Variants in PTPRZ1 observed in about 807,000 individuals in gnomAD.
The protein encoded by PTPRZ1 is receptor-type tyrosine-protein phosphatase zeta.
PTPRZ1 carries 82 observed loss-of-function variants against 214.1 expected under a neutral mutation model. That is an observed-to-expected ratio of 0.38 (90% CI 0.32 to 0.46). The LOEUF is 0.46. Ranked by LOEUF, PTPRZ1 falls within the 20% of genes least tolerant of loss-of-function variation. The pLI, the probability that PTPRZ1 is intolerant of heterozygous loss-of-function variation, is 1.00. For missense variants in PTPRZ1, 2,603 were observed against 2,748.7 expected (o/e 0.95, Z 1.19); for synonymous variants, 945 against 987.9 (o/e 0.96, Z 0.81).
intron 27 of PTPRZ1, among the ~76,000 whole-genome samples, chr7:122,057,706 A>C (rs1792404900): frequency 6.8e-6 from 1 of 147,562 alleles, no homozygotes; most frequent in Non-Finnish European, 1.5e-5. Context: ...ATCTATATGA[A>C]TGTATTGATC....
At chr7:122,043,516 T>C (rs1198623487) in intron 22 of PTPRZ1, among the ~76,000 whole-genome samples, 1 of 152,182 alleles carries the variant, frequency 6.6e-6, no homozygotes, top group African/African-American at 2.4e-5. Context: ...TCTTCACTGT[T>C]TCTAAATAAA....
chr7:122,013,494 A>C lies in PTPRZ1; in HGVS notation c.4448A>C (p.Glu1483Ala), dbSNP rs1330250974. ...ISYSLSENSE[E>A]DNRVTSVSSD... The stretch of plus-strand genomic sequence containing the variant: ...TACTCACTATCTGAGAATTCTGAAG[A>C]AGATAATAGAGTCACAAGTGTATCC... Residue 1483 changes from glutamate to alanine, a missense_variant, in exon 12 of 30, where the codon GAA (glutamate) becomes GCA (alanine). By Grantham distance (107) the Glu-to-Ala change is moderately radical. Coordinates refer to ENST00000393386, the MANE Select transcript of PTPRZ1 (RefSeq NM_002851.3). 6.2e-7 allele frequency: 1 copy of C among 1,614,034 alleles called. No individual in the cohort carries two copies. The highest frequency in any genetic ancestry group is 1.7e-5 in the Admixed American group (1 of 60,002).
intron 14 of PTPRZ1, among the ~76,000 whole-genome samples, chr7:122,030,428 A>G (rs1216803680): frequency 1.3e-5 from 2 of 152,080 alleles, no homozygotes; most frequent in Non-Finnish European, 2.9e-5. Flanking sequence ...TACATGTGAC[A>G]AATCATTTCT....
intron 1 of PTPRZ1, among the ~76,000 whole-genome samples, chr7:121,903,035 T>A (rs1795015264): frequency 6.6e-6 from 1 of 152,286 alleles, no homozygotes; most frequent in East Asian, 1.9e-4. Context: ...TCTATATATT[T>A]GTTTAATATG....
intron 9 of PTPRZ1, 51 bp downstream of exon 9, chr7:121,996,617 C>G (rs1052163006): frequency 7.4e-7 from 1 of 1,359,100 alleles, no homozygotes. Context: ...AATTTAATTT[C>G]CAAGGTAAGA....
chr7:122,004,155 G>A (rs1386932754), intron 10 of PTPRZ1, among the ~76,000 whole-genome samples: 2 of 152,134 alleles, frequency 1.3e-5, no homozygotes, highest in African/African-American at 4.8e-5. Context: ...TTAAGGAAGA[G>A]GTTGCTAAAT....
intron 2 of PTPRZ1, among the ~76,000 whole-genome samples, chr7:121,964,402 G>T: frequency 6.6e-6 from 1 of 152,082 alleles, no homozygotes. Flanking sequence ...CAAGCGAAGG[G>T]GGAAGCCCCT....
chr7:121,905,623 C>T (rs912598022), intron 1 of PTPRZ1, among the ~76,000 whole-genome samples: 2 of 120,160 alleles, frequency 1.7e-5, no homozygotes, highest in African/African-American at 6.1e-5. Flanking sequence ...GATTTCTGCA[C>T]CCGGCCGAAT....
At chr7:121,925,100 G>T (rs528241340) in intron 1 of PTPRZ1, among the ~76,000 whole-genome samples, 1 of 152,212 alleles carries the variant, frequency 6.6e-6, no homozygotes, top group African/African-American at 2.4e-5. Flanking sequence ...CAGGGACCCC[G>T]CATTATGGTT....
chr7:122,010,345 G>A lies in PTPRZ1; in HGVS notation c.1299G>A (p.Glu433=), dbSNP rs1798607701. 1.2e-6 allele frequency: 2 copies of A among 1,603,560 alleles called. No individual in the cohort carries two copies. The highest frequency in any genetic ancestry group is 1.1e-5 in the South Asian group (1 of 88,770). The stretch of plus-strand genomic sequence containing the variant: ...TTTGCTTTTCAAAGGAGGAGGAAGA[G>A]GGAAAAGACATTGAAGAAGGCGCTA... The part of the protein sequence containing the change: ...GTEEIIKEEE[E]GKDIEEGAIV... The change falls in exon 12 of 30, where the codon GAG becomes GAA. Residue 433 remains glutamate, a synonymous_variant. Transcript: ENST00000393386.
chr7:122,040,781 TG>T, intron 20 of PTPRZ1, 34 bp from the exon 21 acceptor site: 1 of 1,307,416 alleles, frequency 7.6e-7, no homozygotes, highest in Non-Finnish European at 1.0e-6. Flanking sequence ...TGTGTGTGTG[TG>T]TTTGACTGTT....
At position 122,044,897 on chromosome 7, in the gene PTPRZ1, G is replaced by GA. The variant is rs113395156; in HGVS notation, c.6084+340dup. 7.7e-3 allele frequency among the ~76,000 whole-genome samples: 1,114 copies of GA among 144,852 alleles called. 15 individuals carry two copies. Among genetic ancestry groups the GA allele is most frequent in the African/African-American group, 0.024 (961 of 39,706 alleles). On this transcript the variant is annotated intron_variant, in intron 23 of 29. Coordinates refer to ENST00000393386, the MANE Select transcript of PTPRZ1 (RefSeq NM_002851.3). ...ACTATATAAGTGCTCTTTTTACTTT[G>GA]AAAAAAAAAAACAGACCACTTAAAC...
rs779343331 is a variant in PTPRZ1 at position 122,044,372 on chromosome 7, C to T, written c.5938-50C>T. The T allele has an allele frequency of 1.1e-5, 17 of 1,604,152 alleles. No homozygotes were observed. In the East Asian group the frequency reaches 3.1e-4, roughly 29 times the overall value. Reference sequence around the variant, plus strand: ...AAGGTACTATGTTTGTAGGTAGATACATATGAGGAAAACTTGAACTAATGT... The same window carrying T: ...AAGGTACTATGTTTGTAGGTAGATATATATGAGGAAAACTTGAACTAATGT... On this transcript the variant is annotated intron_variant, in intron 22 of 29. Coordinates refer to ENST00000393386, the MANE Select transcript of PTPRZ1 (RefSeq NM_002851.3).
intron 12 of PTPRZ1, 24 bp downstream of exon 12, chr7:122,013,913 G>A (rs1169663665): frequency 6.5e-7 from 1 of 1,541,906 alleles, no homozygotes; most frequent in Non-Finnish European, 8.8e-7. Context: ...CAGAAGGACA[G>A]ATTGAGGTGT....
In PTPRZ1 at chr7:122,010,972, A is replaced by G. The variant is rs369303987; in HGVS notation, c.1926A>G (p.Ser642=). The change falls in exon 12 of 30, where the codon TCA becomes TCG. Residue 642 remains serine, a synonymous_variant. Coordinates refer to ENST00000393386, the MANE Select transcript of PTPRZ1 (RefSeq NM_002851.3). ...CAACTTCATCAGGTTCAGAAGAATC[A>G]CTAAAGGATCCTTCTATGGAGGGAA... ...EDSTSSGSEE[S]LKDPSMEGNV... The G allele has an allele frequency of 3.8e-5, 62 of 1,614,056 alleles. No homozygotes were observed. Among genetic ancestry groups the G allele is most frequent in the Non-Finnish European group, 5.0e-5 (59 of 1,180,022 alleles).
intron 2 of PTPRZ1, among the ~76,000 whole-genome samples, chr7:121,948,272 CA>C (rs938460962): frequency 4.6e-5 from 7 of 151,590 alleles, no homozygotes; most frequent in Non-Finnish European, 8.8e-5. Flanking sequence ...AGAAAAAGAC[CA>C]AAAAAAGCAA....
rs147520661 is a variant in PTPRZ1, at chr7:122,011,756, A to C, written c.2710A>C (p.Met904Leu). 3.5e-5 allele frequency: 57 copies of C among 1,614,086 alleles called. No homozygotes were observed. The African/African-American group carries it at 7.3e-4, about 21-fold the overall frequency. ...SESGVLYKTL[M>L]FSQVEPPSSD... The stretch of plus-strand genomic sequence containing the variant: ...ATCTGGTGTTCTTTATAAAACGCTT[A>C]TGTTTTCTCAAGTTGAACCACCCAG... The change falls in exon 12 of 30, where the codon ATG (methionine) becomes CTG (leucine). Residue 904 changes from methionine to leucine, a missense_variant. Transcript: ENST00000393386.
chr7:122,055,235 C>T, intron 27 of PTPRZ1, 148 bp downstream of exon 27: 1 of 594,612 alleles, frequency 1.7e-6, no homozygotes, highest in Non-Finnish European at 2.6e-6. Context: ...TACCTTGTCA[C>T]TTTCATTTTC....
chr7:121,886,719 G>A (rs1223312120), intron 1 of PTPRZ1, among the ~76,000 whole-genome samples: 1 of 152,104 alleles, frequency 6.6e-6, no homozygotes, highest in Non-Finnish European at 1.5e-5. Context: ...TTTACATAAT[G>A]TATTTCTGTA....
Sources: allele counts gnomAD v4.1 joint callset (sites outside exome capture counted in the v4.1 genomes callset), GRCh38; gene constraint gnomAD v4.1.1; transcripts MANE v1.5; gene names NCBI Gene and HGNC (gene_info 2026-07-23, HGNC 2026-07-21).